ANO1: variants seen among roughly 807,000 people sequenced by gnomAD.
ANO1 encodes anoctamin-1.
Under a neutral mutation model 124.0 loss-of-function variants are expected in ANO1, and 59 were observed. The ratio of observed to expected loss-of-function variants is 0.48; its 90% CI spans 0.39 to 0.59. The LOEUF is 0.59. Among genes scored for constraint, ANO1 ranks in the 20% least tolerant of loss-of-function variants. The pLI, the probability that ANO1 is intolerant of heterozygous loss-of-function variation, is 0.00. For missense variants in ANO1, 1,059 were observed against 1,328.0 expected (o/e 0.80, Z 3.15); for synonymous variants, 529 against 532.0 (o/e 0.99, Z 0.08).
At chr11:69,967,222 G>A in the ANO1 span, among the ~76,000 whole-genome samples, 3 of 148,318 alleles carry the variant, frequency 2.0e-5, no homozygotes, top group Non-Finnish European at 3.0e-5. Flanking sequence ...GGCTCCGAGC[G>A]CCCGTATCAC....
At chr11:70,025,573 T>C (rs1229440057) in intron 1 of ANO1, among the ~76,000 whole-genome samples, 1 of 151,646 alleles carries the variant, frequency 6.6e-6, no homozygotes, top group African/African-American at 2.4e-5. Flanking sequence ...ATGATGATGA[T>C]GATGGAGGTA....
intron 1 of ANO1, among the ~76,000 whole-genome samples, chr11:70,085,106 C>T (rs1055463652): frequency 5.9e-5 from 9 of 152,288 alleles, no homozygotes; most frequent in Admixed American, 3.3e-4. Context: ...CTCCCGCCTG[C>T]GCTGTAACCC....
chr11:70,088,118 TG>T, intron 2 of ANO1, 34 bp downstream of exon 2: 2 of 22,018 alleles, frequency 9.1e-5, no homozygotes, highest in Non-Finnish European at 1.2e-4. Flanking sequence ...TTGTGGGGGG[TG>T]GGGGGTGGGC....
At chr11:70,157,423 T>TCA (rs1021026560) in intron 16 of ANO1, among the ~76,000 whole-genome samples, 7 of 150,216 alleles carry the variant, frequency 4.7e-5, no homozygotes, top group African/African-American at 1.7e-4. Flanking sequence ...ATTCAGCCTT[T>TCA]CACACGGTGG....
intron 7 of ANO1, among the ~76,000 whole-genome samples, chr11:70,112,019 T>C (rs995289841): frequency 6.6e-6 from 1 of 152,154 alleles, no homozygotes; most frequent in Non-Finnish European, 1.5e-5. Context: ...CTCGACTTCC[T>C]CTGAACCTCG....
chr11:70,028,358 A>G lies in ANO1; in HGVS notation c.58+42192A>G, dbSNP rs143887154. Among the ~76,000 whole-genome samples, 1,131 of 152,248 alleles carry G rather than the reference A, an allele frequency of 7.4e-3. 13 individuals are homozygous for G. The highest frequency in any genetic ancestry group is 0.026 in the African/African-American group (1,082 of 41,532). On this transcript the variant is annotated intron_variant, in intron 1 of 27. Transcript: ENST00000531349. ...CCTGTGCACCTCAGTCCATGTCCGG[A>G]TGTCAAGCCCAGAGGTCCAATTCTG...
At chr11:70,012,570 C>A (rs1856618668) in intron 1 of ANO1, among the ~76,000 whole-genome samples, 1 of 151,334 alleles carries the variant, frequency 6.6e-6, no homozygotes, top group Non-Finnish European at 1.5e-5. Flanking sequence ...ATCTATCTAT[C>A]CATTCATTCA....
At chr11:70,107,492 GCGGGGC>G (rs1186172398) in intron 5 of ANO1, among the ~76,000 whole-genome samples, 1 of 119,296 alleles carries the variant, frequency 8.4e-6, no homozygotes, top group African/African-American at 2.9e-5. Context: ...AGTGGAGGCG[GCGGGGC>G]GGGGAAGCGG....
intron 5 of ANO1, 129 bp from the exon 6 acceptor site, chr11:70,108,224 T>G: frequency 1.2e-6 from 1 of 818,160 alleles, no homozygotes; most frequent in Non-Finnish European, 1.9e-6. Context: ...TGTCTTTCCT[T>G]GGAAGATAGC....
At chr11:70,170,082 G>T in intron 21 of ANO1, 1 of 451,166 alleles carries the variant, frequency 2.2e-6, no homozygotes, top group Non-Finnish European at 4.5e-6. Flanking sequence ...AGAGGCGAGG[G>T]ACTGTCCTGG....
At chr11:70,026,353 G>A (rs111200396) in intron 1 of ANO1, among the ~76,000 whole-genome samples, 49,197 of 149,138 alleles carry the variant, frequency 0.33, 8,437 homozygotes, top group Admixed American at 0.4. Flanking sequence ...TGGTGGTGAC[G>A]GTGATGGTGG....
chr11:70,170,422 G>A (rs1265032368), intron 21 of ANO1, among the ~76,000 whole-genome samples: 2 of 152,160 alleles, frequency 1.3e-5, no homozygotes, highest in Non-Finnish European at 2.9e-5. Context: ...CAAAATCCCA[G>A]CTCTACAAAA....
At chr11:69,982,439 A>G (rs778687346), upstream of ANO1, among the ~76,000 whole-genome samples, 196 of 152,270 alleles carry the variant, frequency 1.3e-3, no homozygotes, top group Non-Finnish European at 2.0e-3. Flanking sequence ...CAAGAGCTCC[A>G]ATCGGCTCTT....
chr11:69,980,482 G>T, the ANO1 span, among the ~76,000 whole-genome samples: 6 of 151,902 alleles, frequency 3.9e-5, no homozygotes, highest in Admixed American at 3.9e-4. Context: ...TTAGCCGGGC[G>T]TGGTGGTGGG....
At chr11:70,099,087 C>T (rs2045142192) in intron 2 of ANO1, among the ~76,000 whole-genome samples, 1 of 152,098 alleles carries the variant, frequency 6.6e-6, no homozygotes, top group African/African-American at 2.4e-5. Context: ...GATGGGGCCT[C>T]ACCACCCCCA....
intron 15 of ANO1, among the ~76,000 whole-genome samples, chr11:70,156,671 G>C (rs1228506417): frequency 6.6e-6 from 1 of 152,164 alleles, no homozygotes; most frequent in African/African-American, 2.4e-5. Flanking sequence ...AAGGCAGCTG[G>C]CATTACAATG....
At chr11:70,176,782 G>A (rs909239561) in intron 22 of ANO1, among the ~76,000 whole-genome samples, 1 of 152,166 alleles carries the variant, frequency 6.6e-6, no homozygotes, top group Non-Finnish European at 1.5e-5. Context: ...CATTCAAATG[G>A]TTCGGGGGAC....
intron 22 of ANO1, among the ~76,000 whole-genome samples, chr11:70,179,645 G>A (rs1294956344): frequency 6.6e-6 from 1 of 152,200 alleles, no homozygotes; most frequent in African/African-American, 2.4e-5. Context: ...CAGAGCTTTA[G>A]GAGCTGCACC....
Position 70,126,133 on chromosome 11 carries a change from C to T in ANO1, c.1035C>T (p.Ala345=). 6.2e-7 allele frequency: 1 copy of T among 1,613,776 alleles called. No individual in the cohort carries two copies. The highest frequency in any genetic ancestry group is 8.5e-7 in the Non-Finnish European group (1 of 1,179,776). Residue 345 remains alanine (A), a synonymous_variant, in exon 10 of 26, where the codon GCC becomes GCT. Coordinates refer to ENST00000355303, the MANE Select transcript of ANO1 (RefSeq NM_018043.7). ...TGTACACCCAGATGCTCATCCCTGC[C>T]TCCATCGTGGGAATCATTGTCTTCC... ...LGVYTQMLIP[A]SIVGIIVFLY... is the part of the protein sequence containing the mutation.
Sources: gnomAD v4.1 joint callset for allele counts (sites outside exome capture counted in the v4.1 genomes callset) on GRCh38, gnomAD v4.1.1 for gene constraint, MANE v1.5 for transcripts, NCBI Gene and HGNC (gene_info 2026-07-23, HGNC 2026-07-21) for gene names.